The following PIGK variants were observed in gnomAD, a reference collection of about 807,000 sequenced individuals.
PIGK encodes the protein phosphatidylinositol glycan anchor biosynthesis class K.
PIGK carries 42 observed loss-of-function variants against 50.6 expected under a neutral mutation model. That is an observed-to-expected ratio of 0.83 (90% CI 0.65 to 1.07). The LOEUF (loss-of-function observed/expected upper bound fraction) is 1.07, where lower values mean the gene tolerates loss of function less well. PIGK is among the 50% of genes least tolerant of loss of function. The pLI, the probability that PIGK is intolerant of heterozygous loss-of-function variation, is 0.00. For missense variants in PIGK, 448 were observed against 488.7 expected (o/e 0.92, Z 0.78); for synonymous variants, 151 against 156.0 (o/e 0.97, Z 0.24).
chr1:77,096,881 C>CTTTTTTTTTTTTTTTTTTTTTTTTTTTTT (rs141858558), intron 10 of PIGK, among the ~76,000 whole-genome samples: 8 of 124,304 alleles, frequency 6.4e-5, no homozygotes, highest in Middle Eastern at 4.4e-3. Flanking sequence ...TCGGGTTTTT[C>CTTTTTTTTTTTTTTTTTTTTTTTTTTTTT]TTTTTTTTTT....
chr1:77,218,884 T>C (rs904690086), intron 1 of PIGK, among the ~76,000 whole-genome samples: 1 of 152,150 alleles, frequency 6.6e-6, no homozygotes, highest in African/African-American at 2.4e-5. Context: ...ACACTTATAT[T>C]TATCCCATGT....
chr1:77,175,116 A>C (rs1240513099), intron 3 of PIGK, among the ~76,000 whole-genome samples: 1 of 152,042 alleles, frequency 6.6e-6, no homozygotes, highest in Non-Finnish European at 1.5e-5. Context: ...TAAAATAAAG[A>C]CATTTGTTCT....
At chr1:77,208,106 G>C (rs1416132399) in intron 2 of PIGK, among the ~76,000 whole-genome samples, 5 of 151,978 alleles carry the variant, frequency 3.3e-5, no homozygotes, top group Non-Finnish European at 5.9e-5. Flanking sequence ...TGTGGTTGTA[G>C]TTCTAGCTAC....
At chr1:77,148,801 G>A (rs1273605813) in intron 9 of PIGK, among the ~76,000 whole-genome samples, 5 of 151,272 alleles carry the variant, frequency 3.3e-5, no homozygotes, top group Admixed American at 6.6e-5. Flanking sequence ...TGCAGCCCCC[G>A]CCTCCTGGGT....
At chr1:77,149,930 A>C (rs1207725735) in intron 9 of PIGK, among the ~76,000 whole-genome samples, 1 of 152,162 alleles carries the variant, frequency 6.6e-6, no homozygotes, top group African/African-American at 2.4e-5. Context: ...CCTAAAAGTC[A>C]ATAACAAGAG....
Position 77,163,957 on chromosome 1 carries a change from A to G in PIGK, c.488-15T>C. The G allele has an allele frequency of 7.1e-7, 1 of 1,417,182 alleles. No individual in the cohort carries two copies. Among genetic ancestry groups the G allele is most frequent in the Non-Finnish European group, 9.9e-7 (1 of 1,014,258 alleles). The allele number at this position is 1,417,182 out of a possible 1,614,324, so 87.8% of individuals were successfully genotyped here. ...TCCACCATGCCCTTGTATAAAGAGT[A>G]AAAAAGATCAATAGATTTTTTAATG... On this transcript the variant is annotated splice_polypyrimidine_tract_variant and intron_variant, in intron 5 of 10. Coordinates refer to ENST00000370812, the MANE Select transcript of PIGK (RefSeq NM_005482.3).
intron 3 of PIGK, among the ~76,000 whole-genome samples, chr1:77,199,085 T>A (rs1211257069): frequency 2.0e-5 from 3 of 152,112 alleles, no homozygotes; most frequent in Non-Finnish European, 4.4e-5. Context: ...CTATGCTTCA[T>A]AAACCCCATT....
chr1:77,111,342 G>A (rs1653836367), intron 10 of PIGK, among the ~76,000 whole-genome samples: 1 of 152,184 alleles, frequency 6.6e-6, no homozygotes, highest in African/African-American at 2.4e-5. Flanking sequence ...CAATAGCAAA[G>A]ACTTGGAACC....
At chr1:77,110,356 A>C (rs1023891364) in intron 10 of PIGK, among the ~76,000 whole-genome samples, 3 of 152,154 alleles carry the variant, frequency 2.0e-5, no homozygotes, top group African/African-American at 7.2e-5. Flanking sequence ...CTGACTTCAA[A>C]CTATACTACA....
intron 3 of PIGK, among the ~76,000 whole-genome samples, chr1:77,172,248 A>G (rs1487381375): frequency 2.6e-5 from 4 of 152,156 alleles, no homozygotes; most frequent in Non-Finnish European, 5.9e-5. Flanking sequence ...ACAATGACTG[A>G]GTCTTGGCCA....
intron 10 of PIGK, among the ~76,000 whole-genome samples, chr1:77,113,667 A>G (rs1653902192): frequency 6.6e-6 from 1 of 152,134 alleles, no homozygotes; most frequent in Non-Finnish European, 1.5e-5. Flanking sequence ...ATTAAAAATG[A>G]TTTTATTGAA....
At chr1:77,202,194 T>A (rs1656185845) in intron 3 of PIGK, among the ~76,000 whole-genome samples, 1 of 152,246 alleles carries the variant, frequency 6.6e-6, no homozygotes, top group Non-Finnish European at 1.5e-5. Flanking sequence ...AATGAGGTTC[T>A]ACTTAGCTAT....
intron 1 of PIGK, among the ~76,000 whole-genome samples, chr1:77,211,385 T>G (rs1436842748): frequency 6.6e-6 from 1 of 152,160 alleles, no homozygotes; most frequent in South Asian, 2.1e-4. Flanking sequence ...GGTTATTACA[T>G]AAAGGTTGTA....
At chr1:77,166,426 G>A (rs902791261) in intron 5 of PIGK, among the ~76,000 whole-genome samples, 23 of 152,150 alleles carry the variant, frequency 1.5e-4, no homozygotes, top group Admixed American at 7.2e-4. Flanking sequence ...TTCACAGGAT[G>A]ATTAGCAGGA....
chr1:77,129,138 G>T (rs1321742440), intron 9 of PIGK: 1 of 1,434,640 alleles, frequency 7.0e-7, no homozygotes, highest in East Asian at 2.3e-5. Flanking sequence ...ACTTGACCCG[G>T]AGAACCCCAC....
intron 3 of PIGK, among the ~76,000 whole-genome samples, chr1:77,203,230 C>T (rs1337944535): frequency 6.6e-6 from 1 of 152,188 alleles, no homozygotes; most frequent in Non-Finnish European, 1.5e-5. Flanking sequence ...GTTTGCTTCA[C>T]ATACTAACCT....
At chr1:77,138,806 C>G (rs886087296) in intron 9 of PIGK, among the ~76,000 whole-genome samples, 19 of 152,092 alleles carry the variant, frequency 1.2e-4, no homozygotes, top group African/African-American at 4.6e-4. Flanking sequence ...GAGTTTGCTT[C>G]TGTCTTGCTT....
At chr1:77,115,320 C>T (rs760284174) in intron 10 of PIGK, among the ~76,000 whole-genome samples, 1 of 151,998 alleles carries the variant, frequency 6.6e-6, no homozygotes. Context: ...GCTAATTATA[C>T]AAATAAAATG....
intron 3 of PIGK, among the ~76,000 whole-genome samples, chr1:77,182,872 T>C (rs74955154): frequency 5.3e-5 from 8 of 152,174 alleles, no homozygotes; most frequent in Non-Finnish European, 7.3e-5. Flanking sequence ...AGTAACTCTA[T>C]ACATAATACC....
Sources: gnomAD v4.1 joint callset for allele counts (sites outside exome capture counted in the v4.1 genomes callset) on GRCh38, gnomAD v4.1.1 for gene constraint, MANE v1.5 for transcripts, NCBI Gene and HGNC (gene_info 2026-07-23, HGNC 2026-07-21) for gene names.